Variants in SEMA6D observed in about 807,000 individuals in gnomAD.
SEMA6D encodes the protein semaphorin-6D.
A neutral mutation model predicts 106.6 loss-of-function variants in SEMA6D; 35 were observed. The observed-to-expected ratio is 0.33, with a 90% CI of 0.25 to 0.44. The LOEUF is 0.44. Among genes scored for constraint, SEMA6D ranks in the 20% least tolerant of loss-of-function variants. The probability of loss-of-function intolerance (pLI) is 1.00; values close to 1 mark genes in which losing one functional copy is unlikely to be tolerated. For synonymous variants in SEMA6D, 499 were observed against 487.7 expected (o/e 1.02, Z -0.31); for missense variants, 1,185 against 1,345.9 (o/e 0.88, Z 1.87).
chr15:47,586,421 C>G (rs1449808473), intron 3 of SEMA6D, among the ~76,000 whole-genome samples: 2 of 152,094 alleles, frequency 1.3e-5, no homozygotes, highest in Admixed American at 1.3e-4. Context: ...GTAGGGCAGT[C>G]TTGGTTGGGC....
chr15:47,235,495 T>C (rs571855378), intron 1 of SEMA6D, among the ~76,000 whole-genome samples: 16 of 152,160 alleles, frequency 1.1e-4, no homozygotes, highest in African/African-American at 3.6e-4. Context: ...TTTCAGTTGA[T>C]TTTTATAGGT....
At chr15:47,494,789 T>TATATATATATATATAA (rs1172707329) in intron 3 of SEMA6D, among the ~76,000 whole-genome samples, 1 of 88,860 alleles carries the variant, frequency 1.1e-5, no homozygotes, top group African/African-American at 5.1e-5. Flanking sequence ...TATATATATA[T>TATATATATATATATAA]AATCTCCAGA....
chr15:47,454,393 A>T (rs1485033615), intron 2 of SEMA6D, among the ~76,000 whole-genome samples: 1 of 151,942 alleles, frequency 6.6e-6, no homozygotes, highest in Non-Finnish European at 1.5e-5. Flanking sequence ...TCATGCCACA[A>T]ATGTGTATTG....
chr15:47,282,078 T>G (rs187470462), intron 1 of SEMA6D, among the ~76,000 whole-genome samples: 1 of 152,170 alleles, frequency 6.6e-6, no homozygotes, highest in Non-Finnish European at 1.5e-5. Context: ...GTGATAATAA[T>G]GTGCTTAGTA....
chr15:47,484,076 C>T (rs974042561), intron 3 of SEMA6D, among the ~76,000 whole-genome samples: 5 of 152,164 alleles, frequency 3.3e-5, no homozygotes, highest in African/African-American at 1.2e-4. Flanking sequence ...ACTTGTTAGC[C>T]TCAGAAGTGT....
chr15:47,672,830 CTAA>C (rs1199573918), intron 4 of SEMA6D, among the ~76,000 whole-genome samples: 1 of 151,922 alleles, frequency 6.6e-6, no homozygotes, highest in Non-Finnish European at 1.5e-5. Flanking sequence ...ATAATATAAC[CTAA>C]TAATATTTAA....
chr15:47,591,920 T>C (rs1346962217), intron 3 of SEMA6D, among the ~76,000 whole-genome samples: 2 of 152,056 alleles, frequency 1.3e-5, no homozygotes, highest in African/African-American at 4.8e-5. Context: ...AGAGCCACAG[T>C]GAAGAATGGG....
intron 2 of SEMA6D, among the ~76,000 whole-genome samples, chr15:47,417,398 A>G (rs771046909): frequency 6.9e-6 from 1 of 144,480 alleles, no homozygotes; most frequent in Non-Finnish European, 1.5e-5. Flanking sequence ...ATCTGCTTAT[A>G]CTGTGTGTGT....
intron 3 of SEMA6D, among the ~76,000 whole-genome samples, chr15:47,496,994 T>C (rs908181548): frequency 6.6e-6 from 1 of 152,078 alleles, no homozygotes; most frequent in Non-Finnish European, 1.5e-5. Flanking sequence ...AAATCTCAAC[T>C]ATGATTTTAA....
intron 3 of SEMA6D, among the ~76,000 whole-genome samples, chr15:47,568,519 G>C (rs983443149): frequency 6.6e-5 from 10 of 152,014 alleles, no homozygotes; most frequent in Admixed American, 5.9e-4. Context: ...AATTTTATAG[G>C]TTCCTCTGCA....
chr15:47,477,059 T>A (rs1474903879), intron 3 of SEMA6D, among the ~76,000 whole-genome samples: 1 of 152,134 alleles, frequency 6.6e-6, no homozygotes, highest in Non-Finnish European at 1.5e-5. Flanking sequence ...TCCCAGCATG[T>A]TAATTCATTT....
intron 1 of SEMA6D, among the ~76,000 whole-genome samples, chr15:47,185,484 G>T (rs901082502): frequency 5.9e-5 from 9 of 152,098 alleles, no homozygotes; most frequent in Non-Finnish European, 8.8e-5. Context: ...CCTGGGTGGG[G>T]TTTATTTTTT....
intron 1 of SEMA6D, among the ~76,000 whole-genome samples, chr15:47,203,569 A>G (rs947361270): frequency 1.3e-5 from 2 of 152,032 alleles, no homozygotes. Context: ...CCTCTTCCCT[A>G]TGAAGAGGTC....
chr15:47,217,701 A>C (rs531227089), intron 1 of SEMA6D, among the ~76,000 whole-genome samples: 117 of 151,986 alleles, frequency 7.7e-4, no homozygotes, highest in African/African-American at 2.7e-3. Context: ...ACCTTCCTAT[A>C]CTATTTGAAA....
intron 4 of SEMA6D, among the ~76,000 whole-genome samples, chr15:47,632,294 A>G (rs2077307091): frequency 6.6e-6 from 1 of 151,736 alleles, no homozygotes; most frequent in South Asian, 2.1e-4. Context: ...TTTGGGATAG[A>G]GTGTTCTCTC....
intron 1 of SEMA6D, among the ~76,000 whole-genome samples, chr15:47,367,692 GCACACACACACACACACA>G (rs72057750): frequency 4.1e-5 from 3 of 73,408 alleles, no homozygotes; most frequent in African/African-American, 1.2e-4. Flanking sequence ...GCGCGCGCGC[GCACACACACACACACACA>G]CACACACACA....
chr15:47,705,821 C>G (rs903961949), intron 4 of SEMA6D, among the ~76,000 whole-genome samples: 1 of 152,154 alleles, frequency 6.6e-6, no homozygotes, highest in Non-Finnish European at 1.5e-5. Flanking sequence ...TTTTGGCTTT[C>G]TATCAAGCTC....
At chr15:47,669,270 G>C (rs1329718492) in intron 4 of SEMA6D, among the ~76,000 whole-genome samples, 1 of 151,974 alleles carries the variant, frequency 6.6e-6, no homozygotes, top group Non-Finnish European at 1.5e-5. Flanking sequence ...CACATTTTTC[G>C]CATATACATC....
At chr15:47,493,136 G>T (rs774199786) in intron 3 of SEMA6D, among the ~76,000 whole-genome samples, 18 of 152,130 alleles carry the variant, frequency 1.2e-4, no homozygotes, top group Non-Finnish European at 8.8e-5. Context: ...CCATATGTCC[G>T]CTAAAGGTCC....
Sources: allele counts gnomAD v4.1 joint callset (sites outside exome capture counted in the v4.1 genomes callset), GRCh38; gene constraint gnomAD v4.1.1; transcripts MANE v1.5; gene names NCBI Gene and HGNC (gene_info 2026-07-23, HGNC 2026-07-21).